Variants in GCC2 observed in about 807,000 individuals in gnomAD.
GCC2 encodes the protein GRIP and coiled-coil domain containing 2.
GCC2 carries 120 observed loss-of-function variants against 210.6 expected under a neutral mutation model. That is an observed-to-expected ratio of 0.57 (90% CI 0.49 to 0.66). The LOEUF (loss-of-function observed/expected upper bound fraction) is 0.66. GCC2 is among the 30% of genes least tolerant of loss of function. The probability of loss-of-function intolerance (pLI) is 0.00; values close to 1 mark genes in which losing one functional copy is unlikely to be tolerated. For missense variants in GCC2, 1,868 were observed against 1,871.9 expected, an observed-to-expected ratio of 1.00 and a Z score of 0.04; for synonymous variants, 703 against 652.7, an observed-to-expected ratio of 1.08 and a Z score of -1.17.
intron 4 of GCC2, among the ~76,000 whole-genome samples, chr2:108,459,765 T>TTTTTTTTTTTTTTTTTTTA (rs1680461707): frequency 8.1e-6 from 1 of 123,046 alleles, no homozygotes; most frequent in Non-Finnish European, 1.7e-5. Context: ...TTTTTTTTTT[T>TTTTTTTTTTTTTTTTTTTA]TTTTTTTTTT....
At chr2:108,474,797 C>T (rs1681423239) in intron 7 of GCC2, 1 of 151,972 alleles carries the variant, frequency 6.6e-6, no homozygotes, top group Admixed American at 6.6e-5. Flanking sequence ...AGGAAAAAAT[C>T]GACTAGAAAG....
In GCC2 at chr2:108,508,765, C is replaced by G. The variant is rs145909274; in HGVS notation, c.*1135C>G. 11,642 of 152,614 alleles carry G rather than the reference C, an allele frequency of 0.076. 607 individuals carry two copies. The highest frequency in any genetic ancestry group is 0.11 in the Non-Finnish European group (7,554 of 67,980). 9.5% of individuals were successfully genotyped at this position (152,614 alleles called of 1,614,324 possible). ...GTAGTGTTACTTGCCTTTGACACCT[C>G]TGCATATGTTTTAATGACTAGATCC... On this transcript the variant is annotated 3_prime_UTR_variant, in exon 23 of 23. Coordinates refer to ENST00000309863, the MANE Select transcript of GCC2 (RefSeq NM_181453.4).
intron 2 of GCC2, chr2:108,450,076 T>C (rs76428482): frequency 0.025 from 4,458 of 180,090 alleles, 78 homozygotes; most frequent in African/African-American, 0.033. Flanking sequence ...TATGGCCCTG[T>C]ACAATGTTTA....
In GCC2 at chr2:108,474,237, C is replaced by G. The variant is rs373493621; in HGVS notation, c.2861-1298C>G. On this transcript the variant is annotated intron_variant, in intron 7 of 22. Coordinates refer to ENST00000309863, the MANE Select transcript of GCC2 (RefSeq NM_181453.4). ...AAAGATGGAGACCAGAGACATTTTT[C>G]CATTCATGTAAACATAGAGAAGATA... Among the ~76,000 whole-genome samples, 5 of 152,062 alleles carry G rather than the reference C, an allele frequency of 3.3e-5. No individual in the cohort carries two copies. In the South Asian group the frequency reaches 1.0e-3, roughly 32 times the overall value.
chr2:108,461,830 C>G (rs564281570), intron 4 of GCC2, among the ~76,000 whole-genome samples: 1 of 124,078 alleles, frequency 8.1e-6, no homozygotes, highest in Non-Finnish European at 1.7e-5. Flanking sequence ...TTTTTTTTTT[C>G]TTTTTCTTTT....
intron 4 of GCC2, among the ~76,000 whole-genome samples, chr2:108,458,374 C>CTTTTTTTTTTTT (rs70956257): frequency 3.0e-5 from 3 of 100,306 alleles, no homozygotes; most frequent in African/African-American, 7.9e-5. Context: ...TTGTTGCTTT[C>CTTTTTTTTTTTT]TTTTTTTTTT....
intron 4 of GCC2, among the ~76,000 whole-genome samples, chr2:108,461,879 G>C (rs1680604899): frequency 1.5e-5 from 2 of 130,474 alleles, no homozygotes; most frequent in Admixed American, 1.6e-4. Flanking sequence ...TTTCGCCCAG[G>C]CCGGACTGCA....
At chr2:108,456,233 C>G (rs1680270821) in intron 4 of GCC2, among the ~76,000 whole-genome samples, 1 of 152,036 alleles carries the variant, frequency 6.6e-6, no homozygotes, top group Admixed American at 6.5e-5. Flanking sequence ...TGGGAGCCAG[C>G]CTCGGCCTCC....
intron 9 of GCC2, among the ~76,000 whole-genome samples, chr2:108,479,225 A>G (rs553931675): frequency 6.6e-6 from 1 of 152,292 alleles, no homozygotes; most frequent in South Asian, 2.1e-4. Flanking sequence ...CACTGAAATC[A>G]CTAAATGGAC....
intron 4 of GCC2, among the ~76,000 whole-genome samples, chr2:108,453,913 CT>C (rs1354121994): frequency 6.6e-6 from 1 of 151,948 alleles, no homozygotes; most frequent in African/African-American, 2.4e-5. Context: ...TGTAAAGTTT[CT>C]TTTACATCTC....
chr2:108,471,412 A>G lies in GCC2; in HGVS notation c.2083A>G (p.Asn695Asp). The G allele has an allele frequency of 1.2e-6, 2 of 1,606,782 alleles. No homozygotes were observed. Among genetic ancestry groups the G allele is most frequent in the Non-Finnish European group, 8.5e-7 (1 of 1,178,136 alleles). ...AEVKSLYEEN[N>D]KLSSEKKQLS... ...AGTGAAGTCTCTTTATGAGGAAAAC[A>G]ATAAACTCAGTTCAGAAAAAAAACA... Residue 695 changes from asparagine to aspartate, a missense_variant, in exon 6 of 23, where the codon AAT (asparagine) becomes GAT (aspartate). Physicochemically the swap from Asn to Asp is conservative, Grantham distance 23. Transcript: ENST00000309863.
chr2:108,474,452 T>C (rs796425245), intron 7 of GCC2, among the ~76,000 whole-genome samples: 1 of 152,254 alleles, frequency 6.6e-6, no homozygotes, highest in African/African-American at 2.4e-5. Context: ...TTAAGCAACA[T>C]AGAGGTCAGT....
chr2:108,453,416 T>G (rs1167701201), intron 4 of GCC2, among the ~76,000 whole-genome samples: 1 of 152,238 alleles, frequency 6.6e-6, no homozygotes, highest in Non-Finnish European at 1.5e-5. Flanking sequence ...AAAACCTCAC[T>G]GGGTTCTCTT....
chr2:108,466,249 G>A (rs115786524), intron 4 of GCC2, among the ~76,000 whole-genome samples: 3,805 of 152,030 alleles, frequency 0.025, 66 homozygotes, highest in African/African-American at 0.033. Flanking sequence ...TACTCTGTGG[G>A]CCAACACAGT....
At position 108,485,747 on chromosome 2, in the gene GCC2, T is replaced by A. The variant is rs1372315365; in HGVS notation, c.3714+11T>A. On this transcript the variant is annotated intron_variant, in intron 14 of 22. Coordinates refer to ENST00000309863, the MANE Select transcript of GCC2 (RefSeq NM_181453.4). ...GATTCAAAGCAAGCAGTATGTTAATTTTTCAGTTTCATATTTAGTACTTAT... is the reference window on the plus strand; with the variant it reads ...GATTCAAAGCAAGCAGTATGTTAATATTTCAGTTTCATATTTAGTACTTAT... 1.3e-6 allele frequency: 2 copies of A among 1,540,986 alleles called. No homozygotes were observed.
In GCC2 at chr2:108,475,769, A is replaced by C. The variant is rs1478364800; in HGVS notation, c.2979A>C (p.Glu993Asp). The C allele has an allele frequency of 6.2e-7, 1 of 1,604,232 alleles. No homozygotes were observed. The highest frequency in any genetic ancestry group is 8.5e-7 in the Non-Finnish European group (1 of 1,175,406). Reference protein sequence around the residue: ...SSRKETQTVKEELESLRSEKD... With the variant: ...SSRKETQTVKDELESLRSEKD... ...TAAAACAGACCCAGACTGTGAAGGAAGAACTTGAATCTCTTCGATCAGAAA... is the reference window on the plus strand; with the variant it reads ...TAAAACAGACCCAGACTGTGAAGGACGAACTTGAATCTCTTCGATCAGAAA... Residue 993 changes from glutamate (E) to aspartate (D), a missense_variant, in exon 9 of 23, where the codon GAA (glutamate) becomes GAC (aspartate). Physicochemically the swap from Glu to Asp is conservative, Grantham distance 45. Transcript: ENST00000309863.
rs750094291 is a variant in GCC2 at position 108,475,549 on chromosome 2, G to A, written c.2875G>A (p.Glu959Lys). Residue 959 changes from glutamate (E) to lysine (K), a missense_variant, in exon 8 of 23, where the codon GAA becomes AAA. Physicochemically the swap from Glu to Lys is moderately conservative, Grantham distance 56 (BLOSUM62 1). Transcript: ENST00000309863. Reference sequence around the variant, plus strand: ...TCTATTTTTAGAAAATCTGGAAAAAGAATGCAAAGAAAAGGAGGAGAAAAT... The same window carrying A: ...TCTATTTTTAGAAAATCTGGAAAAAAAATGCAAAGAAAAGGAGGAGAAAAT... ...LEEKIENLEK[E>K]CKEKEEKINK... 1.7e-5 allele frequency: 25 copies of A among 1,453,512 alleles called. No homozygotes were observed. Among genetic ancestry groups the A allele is most frequent in the Non-Finnish European group, 2.0e-5 (21 of 1,076,366 alleles). The allele number at this position is 1,453,512 out of a possible 1,614,324, so 90.0% of individuals were successfully genotyped here. A position where few individuals can be genotyped will look rare whatever the true frequency, so the allele number is the denominator to read the frequency against.
chr2:108,453,094 T>C (rs912586210), intron 4 of GCC2, among the ~76,000 whole-genome samples: 1 of 152,230 alleles, frequency 6.6e-6, no homozygotes, highest in Non-Finnish European at 1.5e-5. Flanking sequence ...GTACAGTATA[T>C]AATCTATAGA....
At chr2:108,489,182 A>T (rs924733482) in intron 17 of GCC2, among the ~76,000 whole-genome samples, 6 of 152,224 alleles carry the variant, frequency 3.9e-5, no homozygotes, top group Admixed American at 3.3e-4. Context: ...TTTCACTGTA[A>T]CTTGGTCTGA....
Sources: gnomAD v4.1 joint callset for allele counts (sites outside exome capture counted in the v4.1 genomes callset) on GRCh38, gnomAD v4.1.1 for gene constraint, MANE v1.5 for transcripts, NCBI Gene and HGNC (gene_info 2026-07-23, HGNC 2026-07-21) for gene names.